DDX10: variants seen among roughly 807,000 people sequenced by gnomAD.
The protein encoded by DDX10 is DEAD-box helicase 10.
In DDX10, 74 loss-of-function variants were observed where a neutral mutation model predicts 104.3. The ratio of observed to expected loss-of-function variants is 0.71; its 90% CI spans 0.59 to 0.86. The LOEUF (loss-of-function observed/expected upper bound fraction) is 0.86. DDX10 is among the 40% of genes least tolerant of loss of function. The probability of loss-of-function intolerance (pLI) is 0.00; values close to 1 mark genes in which losing one functional copy is unlikely to be tolerated. For missense variants in DDX10, 952 were observed against 1,040.0 expected, an observed-to-expected ratio of 0.92 and a Z score of 1.16; for synonymous variants, 351 against 353.4, an observed-to-expected ratio of 0.99 and a Z score of 0.08.
At chr11:108,707,320 T>C (rs61914001) in intron 10 of DDX10, among the ~76,000 whole-genome samples, 18,665 of 152,240 alleles carry the variant, frequency 0.12, 1,551 homozygotes, top group East Asian at 0.27. Context: ...TTACTGTCTC[T>C]ATAGTTTTAT....
chr11:108,831,895 C>T (rs1413227608), intron 13 of DDX10, among the ~76,000 whole-genome samples: 1 of 152,086 alleles, frequency 6.6e-6, no homozygotes, highest in East Asian at 1.9e-4. Context: ...ACTTTCTACA[C>T]CTATCATAGG....
Position 108,763,341 on chromosome 11 carries a change from C to G in DDX10, c.1965+39879C>G, listed in dbSNP as rs565661724. 7.2e-5 allele frequency among the ~76,000 whole-genome samples: 11 copies of G among 152,260 alleles called. No homozygotes were observed. In the South Asian group the frequency reaches 2.3e-3, roughly 32 times the overall value. ...TCACTTGGGCTTATTTTTACTGTCT[C>G]TCTCTTCTTGGTTTAATAAGAATCC... On this transcript the variant is annotated intron_variant, in intron 13 of 17. Transcript: ENST00000322536.
intron 15 of DDX10, among the ~76,000 whole-genome samples, chr11:108,845,690 A>G (rs550866958): frequency 4.0e-4 from 61 of 152,310 alleles, no homozygotes; most frequent in African/African-American, 1.4e-3. Flanking sequence ...AACCTATCAC[A>G]TGCTTCTGTA....
At chr11:108,780,072 T>G (rs1313839178) in intron 13 of DDX10, among the ~76,000 whole-genome samples, 1 of 152,206 alleles carries the variant, frequency 6.6e-6, no homozygotes, top group Non-Finnish European at 1.5e-5. Flanking sequence ...ACTATAAAGT[T>G]TTTAGAAAGC....
rs2094226380 is a variant in DDX10, at chr11:108,677,089, T to C, written c.383T>C (p.Leu128Pro). 1.9e-6 allele frequency: 3 copies of C among 1,606,480 alleles called. No individual in the cohort carries two copies. Among genetic ancestry groups the C allele is most frequent in the Non-Finnish European group, 2.6e-6 (3 of 1,175,080 alleles). ...GKTLAFLVPV[L>P]EALYRLQWTS... ...TGAATTTGCTGTCTTTTTGAGGTGC[T>C]GGAAGCCTTATATCGTCTGCAATGG... The change falls in exon 4 of 18, where the codon CTG becomes CCG. Residue 128 changes from leucine (L) to proline (P), a missense_variant. Coordinates refer to ENST00000322536, the MANE Select transcript of DDX10 (RefSeq NM_004398.4).
At chr11:108,867,774 T>G (rs1423459108) in intron 16 of DDX10, among the ~76,000 whole-genome samples, 1 of 151,990 alleles carries the variant, frequency 6.6e-6, no homozygotes, top group Non-Finnish European at 1.5e-5. Context: ...GCAAGGAAAA[T>G]GTATAGGAAA....
At chr11:108,838,010 AC>A (rs1367302636) in intron 13 of DDX10, among the ~76,000 whole-genome samples, 1 of 152,150 alleles carries the variant, frequency 6.6e-6, no homozygotes, top group African/African-American at 2.4e-5. Flanking sequence ...AACGTTGCAA[AC>A]AATGTATGGC....
chr11:108,724,857 T>A (rs2094303177), intron 13 of DDX10, among the ~76,000 whole-genome samples: 1 of 152,216 alleles, frequency 6.6e-6, no homozygotes. Flanking sequence ...AAAGTTTTAC[T>A]CTATGTCAGT....
intron 16 of DDX10, among the ~76,000 whole-genome samples, chr11:108,915,163 G>T (rs568838936): frequency 6.8e-4 from 104 of 152,280 alleles, no homozygotes; most frequent in Admixed American, 2.0e-3. Flanking sequence ...CAAGAAGCTT[G>T]CAGAGTCCCA....
chr11:108,844,761 C>G (rs959300012), intron 15 of DDX10, among the ~76,000 whole-genome samples: 1 of 152,076 alleles, frequency 6.6e-6, no homozygotes, highest in Non-Finnish European at 1.5e-5. Flanking sequence ...GACTTAGTGC[C>G]AGATGTCAGT....
chr11:108,691,196 C>T (rs558361961), intron 7 of DDX10, among the ~76,000 whole-genome samples: 12 of 152,234 alleles, frequency 7.9e-5, no homozygotes, highest in South Asian at 6.2e-4. Flanking sequence ...TTTAATTGAG[C>T]GACTGGATCA....
intron 16 of DDX10, among the ~76,000 whole-genome samples, chr11:108,868,773 C>A (rs1020404709): frequency 4.6e-5 from 7 of 152,012 alleles, no homozygotes; most frequent in African/African-American, 1.7e-4. Flanking sequence ...GTCTTTGTGG[C>A]AGTGCTGTAA....
intron 17 of DDX10, among the ~76,000 whole-genome samples, chr11:108,931,049 G>C (rs1418946451): frequency 6.6e-6 from 1 of 152,152 alleles, no homozygotes; most frequent in African/African-American, 2.4e-5. Flanking sequence ...ACCCCATTCA[G>C]TATCCCTTCC....
Position 108,678,361 on chromosome 11 carries a change from T to G in DDX10, c.584T>G (p.Val195Gly). The change falls in exon 5 of 18, where the codon GTG (valine) becomes GGG (glycine). Residue 195 changes from valine to glycine, a missense_variant. Val to Gly is a moderately radical substitution (Grantham distance 109). Coordinates refer to ENST00000322536, the MANE Select transcript of DDX10 (RefSeq NM_004398.4). Reference sequence around the variant, plus strand: ...AGGATCAACAACATAAATATACTCGTGTGCACACCAGGTCGGCTTCTTCAA... The same window carrying G: ...AGGATCAACAACATAAATATACTCGGGTGCACACCAGGTCGGCTTCTTCAA... ...AERINNINIL[V>G]CTPGRLLQHM... 6.2e-7 allele frequency: 1 copy of G among 1,613,470 alleles called. No individual in the cohort carries two copies. The highest frequency in any genetic ancestry group is 8.5e-7 in the Non-Finnish European group (1 of 1,179,792).
At chr11:108,717,779 T>C (rs1169764216) in intron 11 of DDX10, among the ~76,000 whole-genome samples, 2 of 152,238 alleles carry the variant, frequency 1.3e-5, no homozygotes, top group Non-Finnish European at 2.9e-5. Flanking sequence ...TTACATGCGT[T>C]GTTACCTAAT....
chr11:108,798,778 G>C (rs1861980274), intron 13 of DDX10, among the ~76,000 whole-genome samples: 1 of 151,986 alleles, frequency 6.6e-6, no homozygotes, highest in African/African-American at 2.4e-5. Flanking sequence ...AAAGATTTTG[G>C]GGCTTCTTAA....
At chr11:108,764,970 A>T (rs910470654) in intron 13 of DDX10, among the ~76,000 whole-genome samples, 1 of 152,256 alleles carries the variant, frequency 6.6e-6, no homozygotes, top group Non-Finnish European at 1.5e-5. Context: ...GACAACATGC[A>T]AATGAAAACA....
intron 17 of DDX10, among the ~76,000 whole-genome samples, chr11:108,933,352 A>G (rs958649149): frequency 2.7e-5 from 4 of 150,236 alleles, no homozygotes; most frequent in South Asian, 2.1e-4. Context: ...AAGTGGGCAG[A>G]CCTGGACTAA....
At chr11:108,844,962 C>T (rs190598189) in intron 15 of DDX10, among the ~76,000 whole-genome samples, 259 of 152,066 alleles carry the variant, frequency 1.7e-3, no homozygotes, top group African/African-American at 6.1e-3. Context: ...TTTGGGAGGC[C>T]GAGGTGGGCA....
Sources: gnomAD v4.1 joint callset for allele counts (sites outside exome capture counted in the v4.1 genomes callset) on GRCh38, gnomAD v4.1.1 for gene constraint, MANE v1.5 for transcripts, NCBI Gene and HGNC (gene_info 2026-07-23, HGNC 2026-07-21) for gene names.